Variants in INSYN2B observed in about 807,000 individuals in gnomAD.
The protein encoded by INSYN2B is protein INSYN2B.
A neutral mutation model predicts 41.2 loss-of-function variants in INSYN2B; 16 were observed. The observed-to-expected ratio is 0.39, with a 90% CI of 0.26 to 0.59. INSYN2B has a LOEUF of 0.59. Among genes scored for constraint, INSYN2B ranks in the 20% least tolerant of loss-of-function variants. The pLI is 0.57. For missense variants in INSYN2B, 608 were observed against 646.4 expected, an observed-to-expected ratio of 0.94 and a Z score of 0.64; for synonymous variants, 245 against 244.4, an observed-to-expected ratio of 1.00 and a Z score of -0.02.
intron 1 of INSYN2B, among the ~76,000 whole-genome samples, chr5:169,895,513 C>G (rs1244060678): frequency 6.6e-6 from 1 of 152,118 alleles, no homozygotes; most frequent in South Asian, 2.1e-4. Context: ...AAGCAGCCAG[C>G]AGCCAGCATT....
At chr5:169,912,652 G>A (rs921649504) in intron 1 of INSYN2B, among the ~76,000 whole-genome samples, 4 of 151,882 alleles carry the variant, frequency 2.6e-5, no homozygotes, top group Non-Finnish European at 5.9e-5. Flanking sequence ...AGATGCAGGT[G>A]GGTACATTCA....
intron 3 of INSYN2B, among the ~76,000 whole-genome samples, chr5:169,867,840 G>A (rs1436950125): frequency 6.6e-6 from 1 of 152,184 alleles, no homozygotes; most frequent in Non-Finnish European, 1.5e-5. Flanking sequence ...TCTCCCCAGT[G>A]GAAACTGGAG....
intron 1 of INSYN2B, among the ~76,000 whole-genome samples, chr5:169,969,616 C>A (rs1464100886): frequency 6.6e-6 from 1 of 152,126 alleles, no homozygotes; most frequent in Non-Finnish European, 1.5e-5. Flanking sequence ...GGAGGCATTC[C>A]CTAGAGGGGA....
At chr5:169,950,476 G>A (rs1382623163) in intron 1 of INSYN2B, among the ~76,000 whole-genome samples, 1 of 152,214 alleles carries the variant, frequency 6.6e-6, no homozygotes, top group Non-Finnish European at 1.5e-5. Flanking sequence ...GGAGATCACT[G>A]TGTGAACCAG....
intron 1 of INSYN2B, among the ~76,000 whole-genome samples, chr5:169,952,626 G>T (rs1776706322): frequency 6.6e-6 from 1 of 152,090 alleles, no homozygotes; most frequent in Non-Finnish European, 1.5e-5. Flanking sequence ...CAGAATCCCT[G>T]CTAAGAGCTC....
At chr5:169,937,104 C>T (rs1392890375) in intron 1 of INSYN2B, among the ~76,000 whole-genome samples, 1 of 152,178 alleles carries the variant, frequency 6.6e-6, no homozygotes, top group Non-Finnish European at 1.5e-5. Context: ...AACTTCCAGC[C>T]AGCTGCCTGT....
chr5:169,875,454 C>G, intron 3 of INSYN2B: 1 of 364,408 alleles, frequency 2.7e-6, no homozygotes, highest in Non-Finnish European at 5.5e-6. Context: ...TCCACTGAGA[C>G]CTAATATCCT....
At chr5:169,893,511 G>A (rs1270460964) in intron 1 of INSYN2B, among the ~76,000 whole-genome samples, 3 of 132,006 alleles carry the variant, frequency 2.3e-5, no homozygotes, top group African/African-American at 8.7e-5. Context: ...ACCACTTTTT[G>A]ACTTTAAATA....
At chr5:169,939,798 A>G (rs868617378) in intron 1 of INSYN2B, among the ~76,000 whole-genome samples, 8 of 152,032 alleles carry the variant, frequency 5.3e-5, no homozygotes, top group Non-Finnish European at 1.0e-4. Context: ...AAAATATAAG[A>G]AAGGTAAAAA....
At chr5:169,973,996 G>T (rs996204120) in intron 1 of INSYN2B, among the ~76,000 whole-genome samples, 5 of 152,182 alleles carry the variant, frequency 3.3e-5, no homozygotes, top group African/African-American at 1.2e-4. Flanking sequence ...CAGGGGGAGA[G>T]GTGGTGAGGT....
intron 3 of INSYN2B, among the ~76,000 whole-genome samples, chr5:169,871,150 A>G (rs1223759528): frequency 6.6e-6 from 1 of 152,192 alleles, no homozygotes; most frequent in Non-Finnish European, 1.5e-5. Context: ...CTACCTCCAA[A>G]TATCATCACA....
intron 1 of INSYN2B, among the ~76,000 whole-genome samples, chr5:169,938,427 T>G (rs768236870): frequency 5.9e-5 from 9 of 152,330 alleles, no homozygotes; most frequent in Middle Eastern, 3.4e-3. Flanking sequence ...GTAGAGCCTA[T>G]TGCTCCTACG....
intron 1 of INSYN2B, among the ~76,000 whole-genome samples, chr5:169,936,189 A>G (rs1373967513): frequency 1.3e-5 from 2 of 152,208 alleles, no homozygotes; most frequent in East Asian, 1.9e-4. Flanking sequence ...CTACACACAG[A>G]ATTAATCCAT....
chr5:169,867,367 G>A (rs773367349), intron 3 of INSYN2B, among the ~76,000 whole-genome samples: 1 of 152,190 alleles, frequency 6.6e-6, no homozygotes, highest in Non-Finnish European at 1.5e-5. Context: ...TGTAACAAGG[G>A]CTATGGGAGT....
At chr5:169,926,674 A>G (rs1442203865) in intron 1 of INSYN2B, among the ~76,000 whole-genome samples, 1 of 152,238 alleles carries the variant, frequency 6.6e-6, no homozygotes, top group Non-Finnish European at 1.5e-5. Context: ...GCATAGGACT[A>G]GAGGGGGCCT....
intron 1 of INSYN2B, among the ~76,000 whole-genome samples, chr5:169,973,097 A>G (rs575813643): frequency 6.6e-6 from 1 of 152,342 alleles, no homozygotes; most frequent in South Asian, 2.1e-4. Context: ...AAAACGAGGT[A>G]AACTGAAGAA....
chr5:169,940,709 A>G (rs1776206596), intron 1 of INSYN2B, among the ~76,000 whole-genome samples: 1 of 152,092 alleles, frequency 6.6e-6, no homozygotes, highest in South Asian at 2.1e-4. Context: ...TAATCCCACC[A>G]CTGATCTGAC....
intron 1 of INSYN2B, among the ~76,000 whole-genome samples, chr5:169,953,953 G>T (rs1364597284): frequency 1.3e-5 from 2 of 152,194 alleles, no homozygotes; most frequent in South Asian, 4.1e-4. Context: ...GTGAGTTAAT[G>T]CATGGCAAAG....
intron 2 of INSYN2B, among the ~76,000 whole-genome samples, chr5:169,882,241 TG>T (rs1177596649): frequency 6.6e-6 from 1 of 152,316 alleles, no homozygotes; most frequent in Non-Finnish European, 1.5e-5. Context: ...TCCCCCATCA[TG>T]TATCAATAGA....
Sources: gnomAD v4.1 joint callset for allele counts (sites outside exome capture counted in the v4.1 genomes callset) on GRCh38, gnomAD v4.1.1 for gene constraint, MANE v1.5 for transcripts, NCBI Gene and HGNC (gene_info 2026-07-23, HGNC 2026-07-21) for gene names.